Variants in NCKAP5L observed in about 807,000 individuals in gnomAD.
NCKAP5L encodes the protein nck-associated protein 5-like.
Under a neutral mutation model 103.2 loss-of-function variants are expected in NCKAP5L, and 54 were observed. The observed-to-expected ratio is 0.52, with a 90% confidence interval of 0.42 to 0.66. The LOEUF is 0.66. Among genes scored for constraint, NCKAP5L ranks in the 30% least tolerant of loss-of-function variants. The pLI is 0.00. For synonymous variants in NCKAP5L, 762 were observed against 748.6 expected, an observed-to-expected ratio of 1.02 and a Z score of -0.29; for missense variants, 1,733 against 1,750.6, an observed-to-expected ratio of 0.99 and a Z score of 0.18.
In NCKAP5L at chr12:49,791,978, C is replaced by G. The variant is rs1308721986; in HGVS notation, c.3866G>C (p.Gly1289Ala). Residue 1289 changes from glycine to alanine, a missense_variant, in exon 13 of 13, where the codon GGG becomes GCG. Transcript: ENST00000335999. Reference protein sequence around the residue: ...PSPTPQGPPFGGSRTPSTSDM... With the variant: ...PSPTPQGPPFAGSRTPSTSDM... ...CGAAGTGCTGGGGGTGCGGCTACCCCCGAAAGGTGGGCCCTGGGGCGTAGG... is the reference window on the plus strand; with the variant it reads ...CGAAGTGCTGGGGGTGCGGCTACCCGCGAAAGGTGGGCCCTGGGGCGTAGG... 1.2e-6 allele frequency: 2 copies of G among 1,608,510 alleles called. No homozygotes were observed. Among genetic ancestry groups the G allele is most frequent in the Non-Finnish European group, 1.7e-6 (2 of 1,177,672 alleles).
At chr12:49,812,968 TATA>T (rs2137028932) in intron 1 of NCKAP5L, among the ~76,000 whole-genome samples, 1 of 152,338 alleles carries the variant, frequency 6.6e-6, no homozygotes, top group South Asian at 2.1e-4. Flanking sequence ...CCAGGCTTCT[TATA>T]ATATCTAATA....
chr12:49,793,209 G>A (rs1170600642), intron 10 of NCKAP5L, 143 bp downstream of exon 10: 3 of 868,820 alleles, frequency 3.5e-6, no homozygotes, highest in Non-Finnish European at 5.4e-6. Flanking sequence ...TTGTTCCTGT[G>A]TAGCTCCAGT....
intron 6 of NCKAP5L, 73 bp from the exon 7 acceptor site, chr12:49,798,536 C>A (rs1479922778): frequency 3.1e-6 from 4 of 1,278,450 alleles, no homozygotes; most frequent in Middle Eastern, 2.5e-4. Context: ...AAAGCCAGGC[C>A]TTCCCCTCTG....
chr12:49,792,866 G>T lies in NCKAP5L; in HGVS notation c.3461C>A (p.Pro1154His). ...CCGAGCTGGGGGTACCCCAGGTGGG[G>T]GATCCAGCCGCGGTGGCTTGGTCTT... ...LPKTKPPRLD[P>H]PPGVPPARPP... Residue 1154 changes from proline to histidine, a missense_variant, in exon 11 of 13, where the codon CCC becomes CAC. Transcript: ENST00000335999. This position sits in a 1 kb window ranked among gnomAD's most constrained non-coding sequence, Gnocchi z 4.5. 6.5e-7 allele frequency: 1 copy of T among 1,546,542 alleles called. No homozygotes were observed. Among genetic ancestry groups the T allele is most frequent in the African/African-American group, 1.4e-5 (1 of 73,678 alleles).
intron 1 of NCKAP5L, among the ~76,000 whole-genome samples, chr12:49,819,131 G>A (rs538693728): frequency 1.6e-4 from 25 of 151,530 alleles, no homozygotes; most frequent in Admixed American, 7.9e-4. Context: ...AGGAGATCGA[G>A]ACCATTCCAT....
chr12:49,795,875 C>T lies in NCKAP5L; in HGVS notation c.1985G>A (p.Arg662Gln), dbSNP rs761149041. 1.3e-5 allele frequency: 20 copies of T among 1,556,304 alleles called. No individual in the cohort carries two copies. The highest frequency in any genetic ancestry group is 3.6e-5 in the South Asian group (3 of 82,926). Reference sequence around the variant, plus strand: ...CTTCCCCAGGGCCGCCAGTCTGTCCCGCAGAGGTGTGCTGCCAGGATCCCC... The same window carrying T: ...CTTCCCCAGGGCCGCCAGTCTGTCCTGCAGAGGTGTGCTGCCAGGATCCCC... ...RPGDPGSTPL[R>Q]DRLAALGKLK... The change falls in exon 8 of 13, where the codon CGG becomes CAG. Residue 662 changes from arginine (R) to glutamine (Q), a missense_variant. Physicochemically the swap from Arg to Gln is conservative, Grantham distance 43. Transcript: ENST00000335999.
intron 1 of NCKAP5L, among the ~76,000 whole-genome samples, chr12:49,826,582 A>G (rs962926886): frequency 6.6e-6 from 1 of 152,224 alleles, no homozygotes; most frequent in Admixed American, 6.5e-5. Context: ...TTTCTCCCCT[A>G]TAGATTCACC....
At position 49,797,295 on chromosome 12, in the gene NCKAP5L, G is replaced by C. The variant is rs958651430; in HGVS notation, c.565C>G (p.Gln189Glu). ...AGGGCTCTCAGCACCTCCAGAATCT[G>C]GGCCTTCTTCCGAAGGAACGGGGAT... is the stretch of plus-strand genomic sequence containing the variant. Reference protein sequence around the residue: ...ALSPFLRKKAQILEVLRALEE... With the variant: ...ALSPFLRKKAEILEVLRALEE... Residue 189 changes from glutamine (Q) to glutamate (E), a missense_variant, in exon 8 of 13, where the codon CAG (glutamine) becomes GAG (glutamate). Coordinates refer to ENST00000335999, the MANE Select transcript of NCKAP5L (RefSeq NM_001037806.4). This position sits in a 1 kb window ranked among gnomAD's most constrained non-coding sequence, Gnocchi z 4.5. The C allele has an allele frequency of 2.5e-6, 4 of 1,613,480 alleles. No individual in the cohort carries two copies. The South Asian group carries it at 4.4e-5, about 18-fold the overall frequency.
chr12:49,807,867 AG>A (rs1946198003), intron 1 of NCKAP5L, among the ~76,000 whole-genome samples: 1 of 152,246 alleles, frequency 6.6e-6, no homozygotes, highest in East Asian at 1.9e-4. Context: ...TATGCTGTGG[AG>A]GAAGAGAAAA....
rs369097525 is a variant in NCKAP5L, at chr12:49,797,436, G to A, written c.466-42C>T. The A allele has an allele frequency of 3.5e-6, 5 of 1,445,916 alleles. No homozygotes were observed. The African/African-American group carries it at 7.0e-5, about 20-fold the overall frequency. The allele number at this position is 1,445,916 out of a possible 1,614,324, so 89.6% of individuals were successfully genotyped here. A position where few individuals can be genotyped will look rare whatever the true frequency, so the allele number is the denominator to read the frequency against. On this transcript the variant is annotated intron_variant, in intron 7 of 12. Coordinates refer to ENST00000335999, the MANE Select transcript of NCKAP5L (RefSeq NM_001037806.4). The surrounding 1 kb of genome is among the most constrained non-coding windows in gnomAD (Gnocchi z 4.5). ...TGGCATGAGGAGGAGACCACACACA[G>A]CTGGGATCCAGTTCCAGGCCCAGGC...
rs1565586411 is a variant in NCKAP5L, at chr12:49,795,782, T to C, written c.2078A>G (p.Glu693Gly). Residue 693 changes from glutamate to glycine, a missense_variant, in exon 8 of 13, where the codon GAA (glutamate) becomes GGA (glycine). Transcript: ENST00000335999. ...TGACTTCCCAGGTCCCCGGGTCTTT[T>C]CGGTGCCAGGCCTGGCTGGCACCCC... is the stretch of plus-strand genomic sequence containing the variant. ...KNGVPARPGT[E>G]KTRGPGKSGE... The C allele has an allele frequency of 6.3e-7, 1 of 1,584,100 alleles. No homozygotes were observed. The highest frequency in any genetic ancestry group is 1.8e-5 in the Admixed American group (1 of 55,546).
intron 1 of NCKAP5L, among the ~76,000 whole-genome samples, chr12:49,814,873 C>A (rs908141482): frequency 6.6e-6 from 1 of 152,220 alleles, no homozygotes; most frequent in African/African-American, 2.4e-5. Context: ...AATCCCTCGA[C>A]CTTTCCTTAC....
At chr12:49,804,341 C>T (rs774229122) in intron 2 of NCKAP5L, 2 of 223,432 alleles carry the variant, frequency 9.0e-6, no homozygotes, top group South Asian at 1.2e-4. Context: ...CAAGCTGGCA[C>T]GTCATTCAGC....
At chr12:49,812,156 A>T (rs1384831220) in intron 1 of NCKAP5L, among the ~76,000 whole-genome samples, 1 of 152,130 alleles carries the variant, frequency 6.6e-6, no homozygotes, top group Non-Finnish European at 1.5e-5. Flanking sequence ...GAACACTTTT[A>T]TTAGCTTTTA....
chr12:49,792,443 C>T lies in NCKAP5L; in HGVS notation c.3792+3G>A, dbSNP rs746229360. The T allele has an allele frequency of 1.2e-6, 2 of 1,613,490 alleles. No homozygotes were observed. The highest frequency in any genetic ancestry group is 1.7e-6 in the Non-Finnish European group (2 of 1,179,690). Reference sequence around the variant, plus strand: ...TTTCCCTTTCCTCTGCTGCAATTCTCACCATGGGGGTCCTGGGCAGCCCCT... The same window carrying T: ...TTTCCCTTTCCTCTGCTGCAATTCTTACCATGGGGGTCCTGGGCAGCCCCT... On this transcript the variant is annotated splice_donor_region_variant and intron_variant, in intron 12 of 12. Transcript: ENST00000335999. This position sits in a 1 kb window ranked among gnomAD's most constrained non-coding sequence, Gnocchi z 4.5.
chr12:49,796,159 A>G lies in NCKAP5L; in HGVS notation c.1701T>C (p.Phe567=). 1.2e-6 allele frequency: 2 copies of G among 1,610,814 alleles called. No individual in the cohort carries two copies. Among genetic ancestry groups the G allele is most frequent in the Non-Finnish European group, 1.7e-6 (2 of 1,178,796 alleles). The part of the protein sequence containing the change: ...ENILDLSRST[F]RGPSPEPPPS... ...GAGGTGGCTCTGGGGAAGGCCCCCT[A>G]AAGGTGCTCCGAGAAAGGTCCAGAA... Residue 567 remains phenylalanine (F), a synonymous_variant, in exon 8 of 13, where the codon TTT becomes TTC. Coordinates refer to ENST00000335999, the MANE Select transcript of NCKAP5L (RefSeq NM_001037806.4).
intron 1 of NCKAP5L, among the ~76,000 whole-genome samples, chr12:49,811,133 CG>C: frequency 6.6e-6 from 1 of 152,296 alleles, no homozygotes; most frequent in South Asian, 2.1e-4. Context: ...CCTCAACTTG[CG>C]TATTCTAGGA....
Position 49,793,002 on chromosome 12 carries a change from G to A in NCKAP5L, c.3341-16C>T, listed in dbSNP as rs1323061132. 24 of 1,512,136 alleles carry A rather than the reference G, an allele frequency of 1.6e-5. No individual in the cohort carries two copies. In the East Asian group the frequency reaches 5.2e-4, roughly 33 times the overall value. The allele number at this position is 1,512,136 out of a possible 1,614,324, so 93.7% of individuals were successfully genotyped here. On this transcript the variant is annotated splice_polypyrimidine_tract_variant and intron_variant, in intron 10 of 12. Transcript: ENST00000335999. ...GAGCCACAGGCTGGGGAGGGGAGGG[G>A]AGGGCCCGTTAAGAGTGTGAGGCTG...
Position 49,795,400 on chromosome 12 carries a change from G to A in NCKAP5L, c.2460C>T (p.Ser820=). 6.3e-7 allele frequency: 1 copy of A among 1,580,942 alleles called. No individual in the cohort carries two copies. The highest frequency in any genetic ancestry group is 8.6e-7 in the Non-Finnish European group (1 of 1,166,724). ...GAGGCACCACCTTGGTTGGTGACTT[G>A]GAAGGGAGCTTGGTGGGGCTGCTGT... is the stretch of plus-strand genomic sequence containing the variant. The part of the protein sequence containing the change: ...SPHSSPTKLP[S]KSPTKVVPRP... The change falls in exon 8 of 13, where the codon TCC becomes TCT. Residue 820 remains serine (S), a synonymous_variant. Coordinates refer to ENST00000335999, the MANE Select transcript of NCKAP5L (RefSeq NM_001037806.4).
Sources: gnomAD v4.1 joint callset for allele counts (sites outside exome capture counted in the v4.1 genomes callset) on GRCh38, gnomAD v4.1.1 for gene constraint, Gnocchi (gnomAD v3.1) non-coding constraint, MANE v1.5 for transcripts, NCBI Gene and HGNC (gene_info 2026-07-23, HGNC 2026-07-21) for gene names.